Variants in B3GALT1 observed in about 807,000 individuals in gnomAD.
B3GALT1 encodes the protein beta-1,3-galactosyltransferase 1, also known as UDP-Gal:betaGlcNAc beta 1,3-galactosyltransferase, polypeptide 1.
In B3GALT1, 10 loss-of-function variants were observed where a neutral mutation model predicts 23.2. The observed-to-expected ratio is 0.43, with a 90% CI of 0.27 to 0.73. B3GALT1 has a LOEUF of 0.73. B3GALT1 is among the 30% of genes least tolerant of loss of function. B3GALT1 has a pLI of 0.21. For synonymous variants in B3GALT1, 156 were observed against 141.5 expected (o/e 1.10, Z -0.73); for missense variants, 299 against 405.4 (o/e 0.74, Z 2.25).
intron 1 of B3GALT1, among the ~76,000 whole-genome samples, chr2:167,361,370 T>C (rs561744403): frequency 6.6e-6 from 1 of 152,220 alleles, no homozygotes; most frequent in South Asian, 2.1e-4. Flanking sequence ...ATCGTAAGAA[T>C]CCAAGAAAAT....
intron 1 of B3GALT1, among the ~76,000 whole-genome samples, chr2:167,463,001 G>GT (rs1699287122): frequency 6.6e-6 from 1 of 152,054 alleles, no homozygotes; most frequent in Non-Finnish European, 1.5e-5. Flanking sequence ...AAATGAGAAC[G>GT]TATCTGTTAA....
intron 2 of B3GALT1, among the ~76,000 whole-genome samples, chr2:167,594,464 A>G (rs1266663953): frequency 6.6e-6 from 1 of 152,188 alleles, no homozygotes; most frequent in Non-Finnish European, 1.5e-5. Flanking sequence ...AATAATGCAT[A>G]TGGTCCCCAT....
At position 167,330,237 on chromosome 2, in the gene B3GALT1, A is replaced by G. The variant is rs1696951786; in HGVS notation, c.-511+36903A>G. Among the ~76,000 whole-genome samples the G allele has an allele frequency of 3.3e-5, 5 of 149,830 alleles. No individual in the cohort carries two copies. The South Asian group carries it at 1.0e-3, about 31-fold the overall frequency. On this transcript the variant is annotated intron_variant, in intron 1 of 4. Transcript: ENST00000392690. ...ATTCTTTTTTGTTTATTTTTGTCTG[A>G]CTGGGTTATTTTAACAGACCTCTGT...
intron 1 of B3GALT1, among the ~76,000 whole-genome samples, chr2:167,434,603 G>A (rs939748710): frequency 1.3e-5 from 2 of 148,770 alleles, no homozygotes; most frequent in Admixed American, 1.3e-4. Context: ...GGTATAAATC[G>A]TCCCCAGTTT....
chr2:167,783,232 C>CTAAT (rs951612581), intron 3 of B3GALT1, among the ~76,000 whole-genome samples: 8 of 151,862 alleles, frequency 5.3e-5, no homozygotes, highest in Non-Finnish European at 1.0e-4. Flanking sequence ...TTCAATAAGG[C>CTAAT]TAATCATTGA....
intron 2 of B3GALT1, among the ~76,000 whole-genome samples, chr2:167,641,133 A>G (rs1685646370): frequency 6.6e-6 from 1 of 152,204 alleles, no homozygotes; most frequent in Non-Finnish European, 1.5e-5. Flanking sequence ...ATGCTGTCAA[A>G]GTGCTTATGG....
chr2:167,711,285 CT>C (rs1319588388), intron 3 of B3GALT1, among the ~76,000 whole-genome samples: 1 of 152,202 alleles, frequency 6.6e-6, no homozygotes, highest in Non-Finnish European at 1.5e-5. Context: ...CATCACTCCT[CT>C]GTTTTATATT....
At chr2:167,444,635 T>C (rs563300846) in intron 1 of B3GALT1, among the ~76,000 whole-genome samples, 1 of 152,320 alleles carries the variant, frequency 6.6e-6, no homozygotes, top group Admixed American at 6.5e-5. Flanking sequence ...TTCTTCTAGA[T>C]TTTCTAGTTT....
intron 2 of B3GALT1, among the ~76,000 whole-genome samples, chr2:167,570,426 T>G (rs1028862414): frequency 6.6e-6 from 1 of 151,906 alleles, no homozygotes; most frequent in Non-Finnish European, 1.5e-5. Flanking sequence ...GTCATCAAAT[T>G]TGTGAGCGTA....
chr2:167,666,521 T>C (rs9646730), intron 3 of B3GALT1, among the ~76,000 whole-genome samples: 145,790 of 150,768 alleles, frequency 0.97, 70,571 homozygotes, highest in Middle Eastern at 1. Flanking sequence ...CTTTCTGTCT[T>C]GTTGATCTGT....
In B3GALT1 at chr2:167,512,532, G is replaced by GTGTATATATATATGTATATATA. The variant is rs770464293; in HGVS notation, c.-410+22279_-410+22300dup. ...TGCATATATACATATATATGTGTGT[G>GTGTATATATATATGTATATATA]TGTATATATATATGTATATATATGT... On this transcript the variant is annotated intron_variant, in intron 2 of 4. Transcript: ENST00000392690. 7.5e-4 allele frequency among the ~76,000 whole-genome samples: 89 copies of GTGTATATATATATGTATATATA among 118,140 alleles called. 1 individual carries two copies. Among genetic ancestry groups the GTGTATATATATATGTATATATA allele is most frequent in the Non-Finnish European group, 9.7e-4 (61 of 62,580 alleles). 77.5% of individuals were successfully genotyped at this position (118,140 alleles called of 152,430 possible).
intron 1 of B3GALT1, among the ~76,000 whole-genome samples, chr2:167,397,624 A>G (rs1405740912): frequency 6.6e-6 from 1 of 152,154 alleles, no homozygotes; most frequent in Non-Finnish European, 1.5e-5. Context: ...TTTATATTGC[A>G]TATGTAACAA....
At chr2:167,629,722 A>C (rs899292223) in intron 2 of B3GALT1, among the ~76,000 whole-genome samples, 8 of 151,790 alleles carry the variant, frequency 5.3e-5, no homozygotes, top group Non-Finnish European at 1.2e-4. Context: ...AGAATAAATT[A>C]CTACAGAAAT....
chr2:167,536,057 C>T (rs1043675485), intron 2 of B3GALT1, among the ~76,000 whole-genome samples: 4 of 152,048 alleles, frequency 2.6e-5, no homozygotes, highest in African/African-American at 9.7e-5. Context: ...TTGAATAGCT[C>T]CACCATGCCC....
intron 2 of B3GALT1, among the ~76,000 whole-genome samples, chr2:167,561,488 A>C (rs1002212357): frequency 6.6e-6 from 1 of 152,016 alleles, no homozygotes; most frequent in Non-Finnish European, 1.5e-5. Flanking sequence ...AGACACAAAA[A>C]ACCCTTCAAA....
intron 1 of B3GALT1, among the ~76,000 whole-genome samples, chr2:167,414,963 G>A (rs187887983): frequency 2.8e-4 from 43 of 152,278 alleles, no homozygotes; most frequent in Middle Eastern, 6.8e-3. Context: ...CAAGTGAGAA[G>A]GAAATTCACA....
At chr2:167,548,029 CT>C (rs1235729230) in intron 2 of B3GALT1, among the ~76,000 whole-genome samples, 1 of 152,152 alleles carries the variant, frequency 6.6e-6, no homozygotes, top group East Asian at 1.9e-4. Flanking sequence ...AAATGTTAAC[CT>C]TTTGAACCTT....
chr2:167,531,293 G>A (rs1477115593), intron 2 of B3GALT1, among the ~76,000 whole-genome samples: 1 of 152,130 alleles, frequency 6.6e-6, no homozygotes, highest in African/African-American at 2.4e-5. Context: ...TTGGGGTGGA[G>A]TTGGCAGGGG....
chr2:167,634,999 C>T (rs1162817187), intron 2 of B3GALT1, among the ~76,000 whole-genome samples: 2 of 152,110 alleles, frequency 1.3e-5, no homozygotes, highest in East Asian at 1.9e-4. Flanking sequence ...AGCTTATCTA[C>T]CATGATCAAA....
Sources: gnomAD v4.1 joint callset for allele counts (sites outside exome capture counted in the v4.1 genomes callset) on GRCh38, gnomAD v4.1.1 for gene constraint, MANE v1.5 for transcripts, NCBI Gene and HGNC (gene_info 2026-07-23, HGNC 2026-07-21) for gene names.